RYR2: variants seen among roughly 807,000 people sequenced by gnomAD.
RYR2 encodes the protein cardiac muscle ryanodine receptor-calcium release channel.
In RYR2, 227 loss-of-function variants were observed where a neutral mutation model predicts 601.1. The ratio of observed to expected loss-of-function variants is 0.38; its 90% CI spans 0.34 to 0.42. RYR2 has a LOEUF of 0.42. Ranked by LOEUF, RYR2 falls within the 10% of genes least tolerant of loss-of-function variation. The pLI, the probability that RYR2 is intolerant of heterozygous loss-of-function variation, is 1.00. For synonymous variants in RYR2, 2,223 were observed against 2,175.1 expected (o/e 1.02, Z -0.61); for missense variants, 4,646 against 6,156.5 (o/e 0.75, Z 8.21).
chr1:237,168,529 T>C (rs1345024234), intron 1 of RYR2, among the ~76,000 whole-genome samples: 1 of 152,200 alleles, frequency 6.6e-6, no homozygotes, highest in African/African-American at 2.4e-5. Flanking sequence ...TCTGTTGTTC[T>C]ATACTCTCTC....
rs1178085578 is a variant in RYR2, at chr1:237,724,215, A to ATATATATATATG, written c.10689+956_10689+957insATATATATGTAT. 1.6e-4 allele frequency among the ~76,000 whole-genome samples: 20 copies of ATATATATATATG among 123,120 alleles called. 1 individual carries two copies. In the South Asian group the frequency reaches 1.9e-3, roughly 12 times the overall value. The allele number at this position is 123,120 out of a possible 152,430, so 80.8% of individuals were successfully genotyped here. A position where few individuals can be genotyped will look rare whatever the true frequency, so the allele number is the denominator to read the frequency against. ...TATATATATATATATATATATATAT[A>ATATATATATATG]TATGTATGTGTGATAAATTTCATAG... On this transcript the variant is annotated intron_variant, in intron 74 of 104. Transcript: ENST00000366574.
intron 2 of RYR2, among the ~76,000 whole-genome samples, chr1:237,308,525 A>G (rs1278138046): frequency 6.6e-6 from 1 of 152,160 alleles, no homozygotes; most frequent in Non-Finnish European, 1.5e-5. Flanking sequence ...TGACTTCAAG[A>G]ATGAAGCCGC....
chr1:237,585,783 A>G (rs1002623262), intron 29 of RYR2, among the ~76,000 whole-genome samples: 14 of 152,358 alleles, frequency 9.2e-5, no homozygotes, highest in African/African-American at 3.4e-4. Flanking sequence ...ATTCCTTTAA[A>G]GGGGACCAAA....
At chr1:237,363,937 C>T (rs1699992339) in intron 4 of RYR2, among the ~76,000 whole-genome samples, 1 of 152,148 alleles carries the variant, frequency 6.6e-6, no homozygotes, top group African/African-American at 2.4e-5. Context: ...TTTTAATCTA[C>T]TGTTTTTATT....
In RYR2 at chr1:237,610,307, G is replaced by C. The variant is rs934165960; in HGVS notation, c.4684-455G>C. 1.3e-5 allele frequency among the ~76,000 whole-genome samples: 2 copies of C among 152,206 alleles called. No homozygotes were observed. The highest frequency in any genetic ancestry group is 4.8e-5 in the African/African-American group (2 of 41,450). ...GCTTTATCTGGAATACTTCTGGCTA[G>C]AGGAAGTGTCTTAAGGACGAGTTGG... On this transcript the variant is annotated intron_variant, in intron 35 of 104. Coordinates refer to ENST00000366574, the MANE Select transcript of RYR2 (RefSeq NM_001035.3). This position sits in a 1 kb window ranked among gnomAD's most constrained non-coding sequence, Gnocchi z 4.9.
chr1:237,675,830 TCTCATAAA>T (rs1463617779), intron 60 of RYR2, among the ~76,000 whole-genome samples: 1 of 152,158 alleles, frequency 6.6e-6, no homozygotes, highest in Non-Finnish European at 1.5e-5. Flanking sequence ...TGAGCATCTT[TCTCATAAA>T]CAATTGACTT....
intron 8 of RYR2, among the ~76,000 whole-genome samples, chr1:237,383,414 C>CTTTTTTTTTT: frequency 1.5e-5 from 1 of 64,782 alleles, no homozygotes; most frequent in South Asian, 5.0e-4. Flanking sequence ...TTTCTTTTTT[C>CTTTTTTTTTT]TTGTTTTTTT....
At chr1:237,695,555 G>C (rs1360838590) in intron 63 of RYR2, among the ~76,000 whole-genome samples, 4 of 152,110 alleles carry the variant, frequency 2.6e-5, no homozygotes, top group Non-Finnish European at 4.4e-5. Flanking sequence ...CCACCTGAAA[G>C]TTTTATCATC....
At chr1:237,347,196 A>C (rs1241141774) in intron 3 of RYR2, among the ~76,000 whole-genome samples, 1 of 151,976 alleles carries the variant, frequency 6.6e-6, no homozygotes, top group Non-Finnish European at 1.5e-5. Context: ...GGTGGTGCGC[A>C]CCTGTAGTCC....
intron 2 of RYR2, among the ~76,000 whole-genome samples, chr1:237,307,296 G>A (rs1269905512): frequency 6.6e-6 from 1 of 152,198 alleles, no homozygotes; most frequent in Non-Finnish European, 1.5e-5. Context: ...CTGCTGAGTA[G>A]CAGAACCAGG....
At chr1:237,272,025 G>T (rs1360930209) in intron 2 of RYR2, among the ~76,000 whole-genome samples, 1 of 152,124 alleles carries the variant, frequency 6.6e-6, no homozygotes, top group Admixed American at 6.5e-5. Context: ...AGCTACTTGG[G>T]AGGCTGAGGC....
chr1:237,588,702 G>A (rs765626511), intron 29 of RYR2, among the ~76,000 whole-genome samples: 3 of 151,978 alleles, frequency 2.0e-5, no homozygotes, highest in Non-Finnish European at 4.4e-5. Flanking sequence ...ACGCAGTGGC[G>A]TGCACCTGTA....
intron 1 of RYR2, among the ~76,000 whole-genome samples, chr1:237,154,346 G>A (rs866105428): frequency 2.0e-4 from 30 of 152,188 alleles, no homozygotes; most frequent in African/African-American, 6.8e-4. Flanking sequence ...TGTGAGCCGA[G>A]TGCTTTGGTG....
chr1:237,634,353 G>A (rs1482786531), intron 43 of RYR2, among the ~76,000 whole-genome samples: 1 of 152,128 alleles, frequency 6.6e-6, no homozygotes, highest in Non-Finnish European at 1.5e-5. Flanking sequence ...CATGAAATAA[G>A]CTACGTGTAG....
chr1:237,774,737 T>A (rs1271005377), intron 87 of RYR2, among the ~76,000 whole-genome samples: 1 of 152,206 alleles, frequency 6.6e-6, no homozygotes, highest in African/African-American at 2.4e-5. Flanking sequence ...ATGCCTAGAA[T>A]GATACCAGTA....
At chr1:237,202,824 T>C (rs747550038) in intron 1 of RYR2, among the ~76,000 whole-genome samples, 1 of 152,230 alleles carries the variant, frequency 6.6e-6, no homozygotes, top group Non-Finnish European at 1.5e-5. Context: ...CTCTGGGCTC[T>C]GATCTCTTTG....
intron 1 of RYR2, among the ~76,000 whole-genome samples, chr1:237,058,643 G>A (rs1030521062): frequency 6.6e-6 from 1 of 152,136 alleles, no homozygotes; most frequent in African/African-American, 2.4e-5. Flanking sequence ...GAGGCGGGGC[G>A]TGGTGGCTCA....
intron 80 of RYR2, among the ~76,000 whole-genome samples, chr1:237,754,018 A>G (rs547337595): frequency 2.6e-4 from 39 of 152,142 alleles, no homozygotes; most frequent in African/African-American, 8.4e-4. Context: ...CTGGAAAGAA[A>G]TAATATTAAA....
In RYR2 at chr1:237,812,201, A is replaced by G. The variant is rs190720655; in HGVS notation, c.14433+3166A>G. Among the ~76,000 whole-genome samples, 55 of 152,210 alleles carry G rather than the reference A, an allele frequency of 3.6e-4. No individual in the cohort carries two copies. The East Asian group carries it at 4.4e-3, about 12-fold the overall frequency. ...AGTCACACAGTTAGGAAGAGGTGAC[A>G]CTCTTCAACCAGTACTCTAAGTTAC... On this transcript the variant is annotated intron_variant, in intron 100 of 104. Transcript: ENST00000366574.
Sources: allele counts gnomAD v4.1 joint callset (sites outside exome capture counted in the v4.1 genomes callset), GRCh38; gene constraint gnomAD v4.1.1; non-coding constraint Gnocchi (gnomAD v3.1); transcripts MANE v1.5; gene names NCBI Gene and HGNC (gene_info 2026-07-23, HGNC 2026-07-21).